SERGEF: variants seen among roughly 807,000 people sequenced by gnomAD.
SERGEF encodes the protein secretion regulating guanine nucleotide exchange factor.
SERGEF carries 51 observed loss-of-function variants against 50.0 expected under a neutral mutation model. That is an observed-to-expected ratio of 1.02 (90% CI 0.81 to 1.29). The LOEUF is 1.29. Ranked by LOEUF, SERGEF falls within the 50% of genes most tolerant of loss-of-function variation. SERGEF has a pLI of 0.00. For synonymous variants in SERGEF, 205 were observed against 212.4 expected (o/e 0.97, Z 0.30); for missense variants, 521 against 557.0 (o/e 0.94, Z 0.65).
intron 9 of SERGEF, chr11:17,926,929 C>T (rs1051294005): frequency 2.5e-5 from 11 of 439,074 alleles, no homozygotes; most frequent in African/African-American, 2.2e-4. Flanking sequence ...CTGTCTGCTC[C>T]TATGCCCCTC....
At chr11:17,794,685 C>G (rs549472478) in intron 10 of SERGEF, among the ~76,000 whole-genome samples, 1 of 152,268 alleles carries the variant, frequency 6.6e-6, no homozygotes, top group South Asian at 2.1e-4. Flanking sequence ...TAATATTATC[C>G]CCATTTTGCA....
intron 10 of SERGEF, among the ~76,000 whole-genome samples, chr11:17,871,667 C>T (rs1029553042): frequency 3.9e-5 from 6 of 151,972 alleles, no homozygotes; most frequent in African/African-American, 1.5e-4. Flanking sequence ...AGAAGCCACC[C>T]AAATGGCCTA....
At chr11:17,871,108 G>A (rs1020086755) in intron 10 of SERGEF, among the ~76,000 whole-genome samples, 6 of 152,102 alleles carry the variant, frequency 3.9e-5, no homozygotes, top group Non-Finnish European at 7.4e-5. Flanking sequence ...CATGATCTTG[G>A]AATGAGTAAA....
intron 10 of SERGEF, among the ~76,000 whole-genome samples, chr11:17,837,098 G>C (rs1486123266): frequency 4.6e-5 from 7 of 152,052 alleles, no homozygotes; most frequent in East Asian, 1.9e-4. Context: ...CTGGCAGTCA[G>C]GTCTATTACC....
At chr11:17,853,173 T>C (rs1436489202) in intron 10 of SERGEF, among the ~76,000 whole-genome samples, 2 of 152,118 alleles carry the variant, frequency 1.3e-5, no homozygotes, top group Non-Finnish European at 2.9e-5. Flanking sequence ...ACCCACTTCA[T>C]ATGGTGGTTG....
chr11:17,891,821 C>T (rs1037946323), intron 9 of SERGEF, among the ~76,000 whole-genome samples: 1 of 152,190 alleles, frequency 6.6e-6, no homozygotes, highest in African/African-American at 2.4e-5. Context: ...GTACAGACTG[C>T]CTCTCAAAGC....
chr11:18,007,995 G>T lies in SERGEF; in HGVS notation c.142C>A (p.Pro48Thr), dbSNP rs1200064034. 2 of 1,613,938 alleles carry T rather than the reference G, an allele frequency of 1.2e-6. No homozygotes were observed. Among genetic ancestry groups the T allele is most frequent in the Admixed American group, 3.3e-5 (2 of 60,016 alleles). The change falls in exon 2 of 11, where the codon CCC becomes ACC. Residue 48 changes from proline to threonine, a missense_variant. By Grantham distance (38) the Pro-to-Thr change is conservative. Coordinates refer to ENST00000265965, the MANE Select transcript of SERGEF (RefSeq NM_012139.4). ...CCTGTGATCCTCCTGACACTCCTGGGTTTACAGAAGTCATTCAGTTGCTGG... is the reference window on the plus strand; with the variant it reads ...CCTGTGATCCTCCTGACACTCCTGGTTTTACAGAAGTCATTCAGTTGCTGG... ...LPQQLNDFCK[P>T]RSVRRITGGG...
intron 10 of SERGEF, among the ~76,000 whole-genome samples, chr11:17,876,943 C>G (rs539962461): frequency 6.6e-6 from 1 of 152,382 alleles, no homozygotes; most frequent in East Asian, 1.9e-4. Flanking sequence ...CTAGCTCCTT[C>G]TCTAACTCCA....
At chr11:17,859,225 TA>T (rs1850881577) in intron 10 of SERGEF, among the ~76,000 whole-genome samples, 1 of 152,166 alleles carries the variant, frequency 6.6e-6, no homozygotes, top group Non-Finnish European at 1.5e-5. Flanking sequence ...GTTTAAACTC[TA>T]TAATTAATAT....
intron 9 of SERGEF, among the ~76,000 whole-genome samples, chr11:17,929,712 CT>C (rs1240079149): frequency 6.6e-6 from 1 of 152,172 alleles, no homozygotes; most frequent in African/African-American, 2.4e-5. Flanking sequence ...TCTAGCCTTC[CT>C]TCAGGTCTTT....
chr11:17,811,987 TC>T (rs767767911), intron 10 of SERGEF, among the ~76,000 whole-genome samples: 2 of 152,112 alleles, frequency 1.3e-5, no homozygotes, highest in Non-Finnish European at 2.9e-5. Context: ...GAAACTAGCA[TC>T]CCAAAGGGAA....
Position 17,886,467 on chromosome 11 carries a change from C to T in SERGEF, c.1012-8223G>A, listed in dbSNP as rs78974547. 9.1e-3 allele frequency among the ~76,000 whole-genome samples: 1,380 copies of T among 152,070 alleles called. 11 individuals carry two copies. The highest frequency in any genetic ancestry group is 0.014 in the Non-Finnish European group (934 of 67,982). On this transcript the variant is annotated intron_variant, in intron 9 of 10. Transcript: ENST00000265965. ...TCTACAGAAAATACAACAAAATTAG[C>T]CCGGCGTGGTGAAGTGTGCCTGTAG...
intron 10 of SERGEF, among the ~76,000 whole-genome samples, chr11:17,811,719 T>C (rs1849877681): frequency 6.6e-6 from 1 of 152,170 alleles, no homozygotes; most frequent in South Asian, 2.1e-4. Context: ...AGAGACTAAG[T>C]AGGTAACTTC....
intron 10 of SERGEF, among the ~76,000 whole-genome samples, chr11:17,868,490 G>T (rs531435709): frequency 5.1e-4 from 77 of 152,104 alleles, no homozygotes; most frequent in African/African-American, 1.7e-3. Context: ...GTCTCTAGGG[G>T]GCTCCAAACT....
At chr11:18,001,946 C>T (rs1176556511) in intron 4 of SERGEF, 1 of 456,030 alleles carries the variant, frequency 2.2e-6, no homozygotes, top group Non-Finnish European at 4.4e-6. Flanking sequence ...TCTTATATAC[C>T]TTTATGCCCA....
At chr11:17,863,520 AG>A (rs1274476037) in intron 10 of SERGEF, 1 of 152,210 alleles carries the variant, frequency 6.6e-6, no homozygotes, top group Non-Finnish European at 1.5e-5. Flanking sequence ...TCCTCCACTG[AG>A]GAGCCACTTC....
chr11:17,921,733 G>A (rs1026901297), intron 9 of SERGEF, among the ~76,000 whole-genome samples: 2 of 152,140 alleles, frequency 1.3e-5, no homozygotes, highest in South Asian at 2.1e-4. Flanking sequence ...TAAAGCATGG[G>A]GGAAGGTGAA....
At chr11:17,863,336 C>A (rs761306998) in intron 10 of SERGEF, among the ~76,000 whole-genome samples, 6 of 152,176 alleles carry the variant, frequency 3.9e-5, no homozygotes, top group Admixed American at 6.5e-5. Flanking sequence ...AAATAACCCA[C>A]GATAGTTCTA....
chr11:17,817,886 G>A (rs1348225271), intron 10 of SERGEF, among the ~76,000 whole-genome samples: 2 of 152,180 alleles, frequency 1.3e-5, no homozygotes, highest in Non-Finnish European at 2.9e-5. Context: ...AACTCAGGGA[G>A]GCCAGTTGAC....
Sources: gnomAD v4.1 joint callset for allele counts (sites outside exome capture counted in the v4.1 genomes callset) on GRCh38, gnomAD v4.1.1 for gene constraint, MANE v1.5 for transcripts, NCBI Gene and HGNC (gene_info 2026-07-23, HGNC 2026-07-21) for gene names.